Variants in BYSL observed in about 807,000 individuals in gnomAD.
BYSL encodes the protein bystin.
BYSL carries 21 observed loss-of-function variants against 45.4 expected under a neutral mutation model. The ratio of observed to expected loss-of-function variants is 0.46; its 90% CI spans 0.33 to 0.67. The LOEUF (loss-of-function observed/expected upper bound fraction) is 0.67. Ranked by LOEUF, BYSL falls within the 30% of genes least tolerant of loss-of-function variation. BYSL has a pLI of 0.02. For synonymous variants in BYSL, 215 were observed against 231.3 expected (o/e 0.93, Z 0.64); for missense variants, 522 against 578.5 (o/e 0.90, Z 1.00).
chr6:41,918,170 C>T (rs1425205081), upstream of BYSL, among the ~76,000 whole-genome samples: 2 of 152,152 alleles, frequency 1.3e-5, no homozygotes, highest in Non-Finnish European at 2.9e-5. Context: ...CAAATCCTCA[C>T]GATAGTCCTA....
At chr6:41,909,469 AG>A in the BYSL span, 1 of 1,614,274 alleles carries the variant, frequency 6.2e-7, no homozygotes, top group Non-Finnish European at 8.5e-7. Context: ...AGGGCGAAAC[AG>A]CTCAATGGGT....
the BYSL span, among the ~76,000 whole-genome samples, chr6:41,913,358 G>A: frequency 3.9e-5 from 6 of 152,308 alleles, no homozygotes; most frequent in East Asian, 1.2e-3. Context: ...ATGAAGGCGT[G>A]CTGTCTCCCC....
the BYSL span, among the ~76,000 whole-genome samples, chr6:41,912,199 C>CTTTTTTTTTTTT: frequency 3.4e-5 from 4 of 119,294 alleles, no homozygotes; most frequent in African/African-American, 1.4e-4. Context: ...CCATGCCCAC[C>CTTTTTTTTTTTT]TTTTTTTTTT....
the BYSL span, among the ~76,000 whole-genome samples, chr6:41,914,721 G>GA: frequency 1.4e-3 from 184 of 130,850 alleles, no homozygotes; most frequent in Middle Eastern, 4.0e-3. Flanking sequence ...ACTCTAAAAA[G>GA]AAAAAAAAAA....
chr6:41,931,455 T>C lies in BYSL; in HGVS notation c.764T>C (p.Leu255Pro). ...CAGCGCTTCTACAACCTTGTCCTGC[T>C]CCCTCGAGTACGAGATGACGTTGCT... ...MAQRFYNLVL[L>P]PRVRDDVAEY... Residue 255 changes from leucine (L) to proline (P), a missense_variant, in exon 5 of 7, where the codon CTC becomes CCC. By Grantham distance (98) the Leu-to-Pro change is moderately conservative. Coordinates refer to ENST00000230340, the MANE Select transcript of BYSL (RefSeq NM_004053.4). 4 of 1,613,614 alleles carry C rather than the reference T, an allele frequency of 2.5e-6. No homozygotes were observed. The highest frequency in any genetic ancestry group is 3.4e-6 in the Non-Finnish European group (4 of 1,179,820).
chr6:41,917,588 G>A (rs1003654259), upstream of BYSL: 6 of 356,102 alleles, frequency 1.7e-5, no homozygotes, highest in Admixed American at 2.0e-4. Flanking sequence ...AAGAACTGGA[G>A]CACAGTTCTC....
intron 1 of BYSL, among the ~76,000 whole-genome samples, chr6:41,925,926 C>T (rs1775558128): frequency 6.6e-6 from 1 of 152,110 alleles, no homozygotes; most frequent in Admixed American, 6.6e-5. Flanking sequence ...TCTCATGATC[C>T]ACCCGCCTTG....
the BYSL span, chr6:41,908,990 C>G: frequency 2.1e-6 from 1 of 466,610 alleles, no homozygotes. Context: ...TGAGATCAGC[C>G]TGGGCAACAT....
intron 1 of BYSL, among the ~76,000 whole-genome samples, chr6:41,925,435 C>T (rs1297987083): frequency 6.6e-6 from 1 of 151,260 alleles, no homozygotes; most frequent in East Asian, 1.9e-4. Context: ...ACGATCTTGG[C>T]TCACTGCAAG....
At chr6:41,924,483 A>G (rs1218908895) in intron 1 of BYSL, among the ~76,000 whole-genome samples, 5 of 152,204 alleles carry the variant, frequency 3.3e-5, no homozygotes, top group Non-Finnish European at 5.9e-5. Flanking sequence ...TATCTCCTCC[A>G]ATTAGAATGT....
chr6:41,911,445 C>A, the BYSL span, among the ~76,000 whole-genome samples: 1 of 151,910 alleles, frequency 6.6e-6, no homozygotes, highest in Non-Finnish European at 1.5e-5. Flanking sequence ...GCCGCCACGC[C>A]CAGCTGAGAT....
chr6:41,921,819 C>G lies in BYSL; in HGVS notation c.257C>G (p.Thr86Ser). The G allele has an allele frequency of 6.2e-7, 1 of 1,611,120 alleles. No individual in the cohort carries two copies. Among genetic ancestry groups the G allele is most frequent in the Non-Finnish European group, 8.5e-7 (1 of 1,178,986 alleles). Reference protein sequence around the residue: ...GDKPAAPRERTTRLGPRMPQD... With the variant: ...GDKPAAPRERSTRLGPRMPQD... ...AAGCCCGCGGCGCCGCGGGAACGCACCACGCGGCTGGGTGAGTGTCTGGGA... is the reference window on the plus strand; with the variant it reads ...AAGCCCGCGGCGCCGCGGGAACGCAGCACGCGGCTGGGTGAGTGTCTGGGA... Residue 86 changes from threonine (T) to serine (S), a missense_variant, in exon 1 of 7, where the codon ACC becomes AGC. Transcript: ENST00000230340.
chr6:41,932,428 C>G lies in BYSL; in HGVS notation c.1036C>G (p.Leu346Val), dbSNP rs542585392. 1.2e-4 allele frequency: 198 copies of G among 1,614,166 alleles called. 3 individuals are homozygous for G. In the South Asian group the frequency reaches 2.0e-3, roughly 16 times the overall value. The change falls in exon 7 of 7, where the codon CTG (leucine) becomes GTG (valine). Residue 346 changes from leucine (L) to valine (V), a missense_variant. By Grantham distance (32) the Leu-to-Val change is conservative (BLOSUM62 1). Coordinates refer to ENST00000230340, the MANE Select transcript of BYSL (RefSeq NM_004053.4). This position sits in a 1 kb window ranked among gnomAD's most constrained non-coding sequence, Gnocchi z 4.7. ...CAACAGCATCTTCCTGCGACTGCTG[C>G]TGGATAAGAAGTATGCACTGCCTTA... ...GANSIFLRLL[L>V]DKKYALPYRV...
At chr6:41,917,055 C>T, upstream of BYSL, 2 of 1,080,140 alleles carry the variant, frequency 1.9e-6, no homozygotes, top group African/African-American at 1.6e-5. Flanking sequence ...TTGGAAATTA[C>T]CTACTCTGAC....
the BYSL span, among the ~76,000 whole-genome samples, chr6:41,915,922 G>A: frequency 1.3e-5 from 2 of 152,126 alleles, no homozygotes; most frequent in Non-Finnish European, 2.9e-5. Context: ...TGCATTAGAT[G>A]TGTACAACTA....
At chr6:41,918,968 A>AAT (rs1554152137), upstream of BYSL, among the ~76,000 whole-genome samples, 2 of 147,000 alleles carry the variant, frequency 1.4e-5, no homozygotes, top group Non-Finnish European at 3.0e-5. Flanking sequence ...AAAAAAAAAA[A>AAT]ATACAAAAAA....
Position 41,931,503 on chromosome 6 carries a change from A to G in BYSL, c.812A>G (p.His271Arg). 1.2e-6 allele frequency: 2 copies of G among 1,614,080 alleles called. No homozygotes were observed. The highest frequency in any genetic ancestry group is 1.7e-6 in the Non-Finnish European group (2 of 1,180,036). ...DVAEYKRLNF[H>R]LYMALKKALF... The stretch of plus-strand genomic sequence containing the variant: ...GCTGAATACAAACGACTCAACTTCC[A>G]TCTCTACATGGCTCTCAAGAAGGCC... The change falls in exon 5 of 7, where the codon CAT becomes CGT. Residue 271 changes from histidine to arginine, a missense_variant. Physicochemically the swap from His to Arg is conservative, Grantham distance 29. Transcript: ENST00000230340.
At chr6:41,912,161 G>T in the BYSL span, among the ~76,000 whole-genome samples, 1 of 146,140 alleles carries the variant, frequency 6.8e-6, no homozygotes, top group Non-Finnish European at 1.5e-5. Flanking sequence ...CAATCCTTCT[G>T]CCTCAGTGTC....
At chr6:41,915,134 G>A in the BYSL span, among the ~76,000 whole-genome samples, 6 of 152,146 alleles carry the variant, frequency 3.9e-5, no homozygotes, top group Non-Finnish European at 8.8e-5. Flanking sequence ...AAAACAAAAA[G>A]CACTCAAAGA....
Sources: allele counts gnomAD v4.1 joint callset (sites outside exome capture counted in the v4.1 genomes callset), GRCh38; gene constraint gnomAD v4.1.1; non-coding constraint Gnocchi (gnomAD v3.1); transcripts MANE v1.5; gene names NCBI Gene and HGNC (gene_info 2026-07-23, HGNC 2026-07-21).